TANC1: variants seen among roughly 807,000 people sequenced by gnomAD.
TANC1 encodes tetratricopeptide repeat, ankyrin repeat and coiled-coil containing 1, also known as protein TANC1.
In TANC1, 77 loss-of-function variants were observed where a neutral mutation model predicts 149.7. The observed-to-expected ratio is 0.51, with a 90% CI of 0.43 to 0.62. The LOEUF (loss-of-function observed/expected upper bound fraction) is 0.62. Ranked by LOEUF, TANC1 falls within the 20% of genes least tolerant of loss-of-function variation. TANC1 has a pLI of 0.00. For synonymous variants in TANC1, 854 were observed against 925.0 expected, an observed-to-expected ratio of 0.92 and a Z score of 1.39; for missense variants, 1,985 against 2,321.8, an observed-to-expected ratio of 0.85 and a Z score of 2.98.
chr2:159,191,187 A>C (rs1254529068), intron 16 of TANC1, among the ~76,000 whole-genome samples: 1 of 152,190 alleles, frequency 6.6e-6, no homozygotes, highest in African/African-American at 2.4e-5. Context: ...TGTCACTTGC[A>C]CATGGCCTGT....
intron 19 of TANC1, among the ~76,000 whole-genome samples, chr2:159,211,783 G>T (rs571046433): frequency 5.3e-5 from 8 of 152,350 alleles, no homozygotes; most frequent in African/African-American, 1.9e-4. Context: ...ATTTGTAAAC[G>T]AGAGCCTTGT....
chr2:159,095,595 G>T (rs1036140405), intron 3 of TANC1, among the ~76,000 whole-genome samples: 2 of 152,038 alleles, frequency 1.3e-5, no homozygotes, highest in Non-Finnish European at 2.9e-5. Flanking sequence ...GATTAGCCGG[G>T]TGTGGTGGCG....
intron 5 of TANC1, among the ~76,000 whole-genome samples, chr2:159,145,728 T>TC (rs1339615219): frequency 6.6e-6 from 1 of 152,192 alleles, no homozygotes; most frequent in Non-Finnish European, 1.5e-5. Context: ...TTTACCTTTC[T>TC]CCATGCAGTC....
intron 4 of TANC1, among the ~76,000 whole-genome samples, chr2:159,101,941 G>A (rs944602042): frequency 6.6e-6 from 1 of 152,112 alleles, no homozygotes; most frequent in Non-Finnish European, 1.5e-5. Flanking sequence ...GGCCACTTCC[G>A]CTTCTGCCGA....
intron 7 of TANC1, among the ~76,000 whole-genome samples, chr2:159,153,723 G>T (rs2053117397): frequency 1.3e-5 from 2 of 149,452 alleles, no homozygotes; most frequent in Admixed American, 1.3e-4. Context: ...GGGTGTGCAG[G>T]TTCCACTGCC....
intron 4 of TANC1, among the ~76,000 whole-genome samples, chr2:159,103,480 G>A (rs16822505): frequency 0.014 from 1,360 of 96,456 alleles, 349 homozygotes; most frequent in African/African-American, 0.036. Flanking sequence ...AGGCTGAGAC[G>A]TCATTCTGTA....
At chr2:159,149,118 C>T in intron 5 of TANC1, 24 bp from the exon 6 acceptor site, 2 of 1,557,694 alleles carry the variant, frequency 1.3e-6, no homozygotes, top group South Asian at 1.2e-5. Context: ...GGGGCATCTT[C>T]ATTGTTTTCT....
intron 7 of TANC1, chr2:159,150,771 A>T: frequency 5.1e-6 from 2 of 395,500 alleles, no homozygotes; most frequent in South Asian, 3.9e-5. Flanking sequence ...CAGTCAGCTC[A>T]TTTGTTAAAA....
rs759857958 is a variant in TANC1, at chr2:159,230,877, C to G, written c.5451C>G (p.Asn1817Lys). ...KCQIPVHSQE[N>K]RITKTVSHLY... ...AAATTCCAGTCCACTCTCAAGAGAA[C>G]AGGATAACTAAGACTGTTTCTCATC... Residue 1817 changes from asparagine to lysine, a missense_variant, in exon 27 of 27, where the codon AAC becomes AAG. Physicochemically the swap from Asn to Lys is moderately conservative, Grantham distance 94. This residue lies in a region of TANC1 where 920 missense variants were observed against 994.7 expected (regional missense o/e 0.92). Coordinates refer to ENST00000263635, the MANE Select transcript of TANC1 (RefSeq NM_033394.3). This position sits in a 1 kb window ranked among gnomAD's most constrained non-coding sequence, Gnocchi z 4.4. 1 of 1,614,064 alleles carries G rather than the reference C, an allele frequency of 6.2e-7. No individual in the cohort carries two copies. Among genetic ancestry groups the G allele is most frequent in the African/African-American group, 1.3e-5 (1 of 74,922 alleles).
At chr2:158,981,128 C>T (rs1172794894) in intron 1 of TANC1, among the ~76,000 whole-genome samples, 1 of 151,954 alleles carries the variant, frequency 6.6e-6, no homozygotes, top group Non-Finnish European at 1.5e-5. Context: ...ACTTCCGACC[C>T]CCTCTATGAT....
chr2:159,012,976 A>G (rs1363860019), intron 2 of TANC1, among the ~76,000 whole-genome samples: 1 of 152,126 alleles, frequency 6.6e-6, no homozygotes, highest in Non-Finnish European at 1.5e-5. Context: ...CAGGGTATAT[A>G]AATTCTGTAT....
chr2:159,230,036 GC>G lies in TANC1; in HGVS notation c.4612del (p.Gln1538SerfsTer10). ...PSKQAQIVKT[S>X]QHLGSGQSAV... Reference sequence around the variant, plus strand: ...AAGCAGGCCCAGATCGTGAAAACCAGCCAGCACCTGGGCTCTGGCCAGTCGG... The same window carrying G: ...AAGCAGGCCCAGATCGTGAAAACCAGCAGCACCTGGGCTCTGGCCAGTCGG... On this transcript the variant is annotated frameshift_variant, in exon 27 of 27. Coordinates refer to ENST00000263635, the MANE Select transcript of TANC1 (RefSeq NM_033394.3). LOFTEE classifies it low-confidence loss of function (END_TRUNC). This position sits in a 1 kb window ranked among gnomAD's most constrained non-coding sequence, Gnocchi z 4.4. 1 of 1,614,088 alleles carries G rather than the reference GC, an allele frequency of 6.2e-7. No individual in the cohort carries two copies. Among genetic ancestry groups the G allele is most frequent in the Non-Finnish European group, 8.5e-7 (1 of 1,180,046 alleles).
rs1424155620 is a variant in TANC1, at chr2:159,125,754, T to A, written c.260-10440T>A. 2.0e-5 allele frequency among the ~76,000 whole-genome samples: 3 copies of A among 152,078 alleles called. No individual in the cohort carries two copies. In the East Asian group the frequency reaches 5.8e-4, roughly 29 times the overall value. On this transcript the variant is annotated intron_variant, in intron 4 of 26. Coordinates refer to ENST00000263635, the MANE Select transcript of TANC1 (RefSeq NM_033394.3). ...ACAGGTGCCTACCACGCCCAGCTAATTTTTTGTATTTTTAGTAGAGATGGG... is the reference window on the plus strand; with the variant it reads ...ACAGGTGCCTACCACGCCCAGCTAAATTTTTGTATTTTTAGTAGAGATGGG...
intron 16 of TANC1, among the ~76,000 whole-genome samples, chr2:159,189,660 G>A (rs771147875): frequency 6.6e-6 from 1 of 152,046 alleles, no homozygotes; most frequent in Non-Finnish European, 1.5e-5. Flanking sequence ...TAGGGCAGTT[G>A]ATACTTTCCA....
intron 4 of TANC1, among the ~76,000 whole-genome samples, chr2:159,128,925 G>T (rs905683642): frequency 2.6e-5 from 4 of 152,202 alleles, no homozygotes; most frequent in South Asian, 2.1e-4. Context: ...TAGTGATAAA[G>T]GTTCCCCCTG....
intron 23 of TANC1, chr2:159,225,413 T>A: frequency 1.9e-6 from 1 of 519,376 alleles, no homozygotes; most frequent in Non-Finnish European, 3.5e-6. Context: ...TTTCCCCACA[T>A]CCCACCCGGA....
At chr2:159,006,669 G>T (rs1226625772) in intron 2 of TANC1, among the ~76,000 whole-genome samples, 1 of 152,112 alleles carries the variant, frequency 6.6e-6, no homozygotes, top group Admixed American at 6.5e-5. Flanking sequence ...TCTCTTTTAA[G>T]ACATCTGGTT....
At chr2:159,146,872 C>T (rs2052177337) in intron 5 of TANC1, among the ~76,000 whole-genome samples, 1 of 152,034 alleles carries the variant, frequency 6.6e-6, no homozygotes, top group African/African-American at 2.4e-5. Context: ...ACCATTAAAG[C>T]TGGAATCGCC....
chr2:159,063,317 T>C (rs879802254), intron 2 of TANC1, among the ~76,000 whole-genome samples: 1 of 152,200 alleles, frequency 6.6e-6, no homozygotes, highest in Non-Finnish European at 1.5e-5. Context: ...GAGTGTACTG[T>C]CATTATTGGC....
Sources: allele counts gnomAD v4.1 joint callset (sites outside exome capture counted in the v4.1 genomes callset), GRCh38; gene constraint gnomAD v4.1.1; regional missense constraint gnomAD v4.1.1; non-coding constraint Gnocchi (gnomAD v3.1); transcripts MANE v1.5; gene names NCBI Gene and HGNC (gene_info 2026-07-23, HGNC 2026-07-21).